KCNH7: variants seen among roughly 807,000 people sequenced by gnomAD.
The protein encoded by KCNH7 is voltage-gated inwardly rectifying potassium channel KCNH7.
KCNH7 carries 49 observed loss-of-function variants against 120.8 expected under a neutral mutation model. That is an observed-to-expected ratio of 0.41 (90% CI 0.32 to 0.51). KCNH7 has a LOEUF of 0.51. Ranked by LOEUF, KCNH7 falls within the 20% of genes least tolerant of loss-of-function variation. The pLI is 0.38. For missense variants in KCNH7, 1,097 were observed against 1,446.6 expected, an observed-to-expected ratio of 0.76 and a Z score of 3.92; for synonymous variants, 547 against 516.1, an observed-to-expected ratio of 1.06 and a Z score of -0.81.
At chr2:162,725,722 A>G (rs1302659800) in intron 2 of KCNH7, among the ~76,000 whole-genome samples, 16 of 152,220 alleles carry the variant, frequency 1.1e-4, no homozygotes, top group Admixed American at 1.0e-3. Flanking sequence ...CCAGAGGGAC[A>G]TTATGAAACT....
intron 2 of KCNH7, among the ~76,000 whole-genome samples, chr2:162,729,513 G>A (rs1210728305): frequency 1.3e-5 from 2 of 151,940 alleles, no homozygotes; most frequent in Non-Finnish European, 2.9e-5. Context: ...AATTGATCTG[G>A]TTTCAACAGA....
chr2:162,722,493 A>G (rs376455120), intron 2 of KCNH7, among the ~76,000 whole-genome samples: 43 of 152,188 alleles, frequency 2.8e-4, no homozygotes, highest in African/African-American at 8.4e-4. Context: ...GGATGTCTTA[A>G]TATGTGACAA....
At chr2:162,422,022 T>C (rs1025263832) in intron 9 of KCNH7, among the ~76,000 whole-genome samples, 2 of 152,172 alleles carry the variant, frequency 1.3e-5, no homozygotes, top group Non-Finnish European at 2.9e-5. Context: ...GTGATCTCTT[T>C]CTTGTGAGAT....
rs573726238 is a variant in KCNH7, at chr2:162,561,986, C to T, written c.308-24906G>A. Among the ~76,000 whole-genome samples the T allele has an allele frequency of 1.6e-4, 25 of 152,212 alleles. No homozygotes were observed. In the East Asian group the frequency reaches 3.1e-3, roughly 19 times the overall value. ...CAGAAAACCAAACACCACATGTTCT[C>T]GCTCATGAGTGGGAGTCGATCAATG... On this transcript the variant is annotated intron_variant, in intron 2 of 15. Coordinates refer to ENST00000332142, the MANE Select transcript of KCNH7 (RefSeq NM_033272.4).
chr2:162,513,604 C>A (rs963453384), intron 4 of KCNH7, among the ~76,000 whole-genome samples: 1 of 151,502 alleles, frequency 6.6e-6, no homozygotes, highest in Non-Finnish European at 1.5e-5. Context: ...CGTGCCTGAG[C>A]CTCCTTAGTA....
chr2:162,682,681 G>C (rs1685753770), intron 2 of KCNH7, among the ~76,000 whole-genome samples: 1 of 151,700 alleles, frequency 6.6e-6, no homozygotes, highest in African/African-American at 2.4e-5. Context: ...CTTTCTTTAT[G>C]CTTTCTGTAA....
intron 2 of KCNH7, among the ~76,000 whole-genome samples, chr2:162,799,949 T>C (rs201929614): frequency 6.8e-5 from 10 of 146,422 alleles, no homozygotes; most frequent in East Asian, 4.0e-4. Context: ...TTTACACACA[T>C]ACACACACAC....
At chr2:162,699,467 T>C (rs1383782482) in intron 2 of KCNH7, among the ~76,000 whole-genome samples, 1 of 152,202 alleles carries the variant, frequency 6.6e-6, no homozygotes, top group Non-Finnish European at 1.5e-5. Context: ...AGTAGAAATG[T>C]ACTGGATAAG....
chr2:162,371,620 T>C lies in KCNH7; in HGVS notation c.*209A>G. ...AGGTGCCGTGAGATGCTGGCAGTTT[T>C]AACATTTGGAACCAAAAGTTCTTAT... On this transcript the variant is annotated 3_prime_UTR_variant, in exon 16 of 16. Coordinates refer to ENST00000332142, the MANE Select transcript of KCNH7 (RefSeq NM_033272.4). 4.9e-6 allele frequency: 4 copies of C among 813,812 alleles called. No individual in the cohort carries two copies. The highest frequency in any genetic ancestry group is 7.2e-6 in the Non-Finnish European group (4 of 555,594). 50.4% of individuals were successfully genotyped at this position (813,812 alleles called of 1,614,324 possible). A position where few individuals can be genotyped will look rare whatever the true frequency, so the allele number is the denominator to read the frequency against.
At chr2:162,398,936 T>C (rs182898104) in intron 10 of KCNH7, among the ~76,000 whole-genome samples, 1 of 151,958 alleles carries the variant, frequency 6.6e-6, no homozygotes, top group East Asian at 1.9e-4. Context: ...ATAATAAAAT[T>C]ATCAAAATAT....
rs552806085 is a variant in KCNH7 at position 162,485,115 on chromosome 2, A to G, written c.1128+19328T>C. ...CACAAATAAGCAAACAAAAAAGTTT[A>G]AAGATTCAGAATGGAACAAAATTAC... On this transcript the variant is annotated intron_variant, in intron 6 of 15. Transcript: ENST00000332142. Among the ~76,000 whole-genome samples the G allele has an allele frequency of 6.4e-4, 97 of 152,328 alleles. No homozygotes were observed. In the South Asian group the frequency reaches 0.019, roughly 30 times the overall value.
At chr2:162,472,853 T>G (rs1054967321) in intron 6 of KCNH7, among the ~76,000 whole-genome samples, 5 of 152,144 alleles carry the variant, frequency 3.3e-5, no homozygotes. Flanking sequence ...TGTCCATCAG[T>G]GATAGACTGG....
chr2:162,458,702 C>A (rs1689052928), intron 6 of KCNH7, among the ~76,000 whole-genome samples: 1 of 151,984 alleles, frequency 6.6e-6, no homozygotes, highest in Non-Finnish European at 1.5e-5. Context: ...GACAGAGGAA[C>A]CACGTGAGAA....
intron 6 of KCNH7, among the ~76,000 whole-genome samples, chr2:162,458,308 TATA>T (rs1273899943): frequency 6.6e-6 from 1 of 152,180 alleles, no homozygotes; most frequent in African/African-American, 2.4e-5. Context: ...CTTAAACAAT[TATA>T]ATATTTACAA....
At chr2:162,607,573 A>C (rs1682825092) in intron 2 of KCNH7, among the ~76,000 whole-genome samples, 1 of 152,144 alleles carries the variant, frequency 6.6e-6, no homozygotes, top group Non-Finnish European at 1.5e-5. Flanking sequence ...CATAGTTGTT[A>C]AATTTTGAAA....
At chr2:162,811,117 G>A (rs1276770303) in intron 2 of KCNH7, among the ~76,000 whole-genome samples, 2 of 152,108 alleles carry the variant, frequency 1.3e-5, no homozygotes, top group Non-Finnish European at 2.9e-5. Flanking sequence ...CTGGTCTTAT[G>A]TCCCTTTGCC....
At chr2:162,777,968 T>C (rs1021154865) in intron 2 of KCNH7, among the ~76,000 whole-genome samples, 2 of 152,096 alleles carry the variant, frequency 1.3e-5, no homozygotes, top group African/African-American at 4.8e-5. Context: ...AAGGCTAACT[T>C]TGTCCAATAT....
intron 2 of KCNH7, among the ~76,000 whole-genome samples, chr2:162,586,663 C>CT (rs1468070812): frequency 6.8e-6 from 1 of 148,022 alleles, no homozygotes; most frequent in Non-Finnish European, 1.5e-5. Context: ...CGGTTTCTTT[C>CT]CTTTTTTTTT....
intron 2 of KCNH7, among the ~76,000 whole-genome samples, chr2:162,616,186 C>T (rs1387568293): frequency 6.6e-6 from 1 of 152,128 alleles, no homozygotes; most frequent in Non-Finnish European, 1.5e-5. Flanking sequence ...GTTTATGACT[C>T]ACGGGATAAA....
Sources: allele counts gnomAD v4.1 joint callset (sites outside exome capture counted in the v4.1 genomes callset), GRCh38; gene constraint gnomAD v4.1.1; transcripts MANE v1.5; gene names NCBI Gene and HGNC (gene_info 2026-07-23, HGNC 2026-07-21).